MAPK10: variants seen among roughly 807,000 people sequenced by gnomAD.
The protein encoded by MAPK10 is JNK3 alpha protein kinase.
In MAPK10, 25 loss-of-function variants were observed where a neutral mutation model predicts 59.3. That is an observed-to-expected ratio of 0.42 (90% CI 0.31 to 0.59). The LOEUF (loss-of-function observed/expected upper bound fraction) is 0.59. Among genes scored for constraint, MAPK10 ranks in the 20% least tolerant of loss-of-function variants. The probability of loss-of-function intolerance (pLI) is 0.15; values close to 1 mark genes in which losing one functional copy is unlikely to be tolerated. For missense variants in MAPK10, 351 were observed against 568.9 expected, an observed-to-expected ratio of 0.62 and a Z score of 3.90; for synonymous variants, 190 against 200.5, an observed-to-expected ratio of 0.95 and a Z score of 0.44.
chr4:86,460,122 C>T (rs1751600555), intron 1 of MAPK10, among the ~76,000 whole-genome samples: 1 of 152,120 alleles, frequency 6.6e-6, no homozygotes, highest in African/African-American at 2.4e-5. Flanking sequence ...AAAGAGTCTT[C>T]TATGGGTTTC....
intron 4 of MAPK10, among the ~76,000 whole-genome samples, chr4:86,133,792 C>T (rs1158175581): frequency 6.6e-6 from 1 of 152,128 alleles, no homozygotes; most frequent in Admixed American, 6.5e-5. Flanking sequence ...GAGGAGATAA[C>T]CCATTCCAAA....
At chr4:86,267,246 T>C in intron 2 of MAPK10, among the ~76,000 whole-genome samples, 1 of 152,178 alleles carries the variant, frequency 6.6e-6, no homozygotes, top group African/African-American at 2.4e-5. Context: ...AAAATTGCCT[T>C]CCTTCAGGTT....
chr4:86,375,890 A>G (rs1018949300), intron 1 of MAPK10, among the ~76,000 whole-genome samples: 4 of 152,144 alleles, frequency 2.6e-5, no homozygotes, highest in Admixed American at 6.6e-5. Flanking sequence ...TTGTTATTCT[A>G]ATGAAGTGGA....
chr4:86,060,462 T>C (rs1647297098), intron 11 of MAPK10, among the ~76,000 whole-genome samples: 1 of 152,162 alleles, frequency 6.6e-6, no homozygotes, highest in Non-Finnish European at 1.5e-5. Context: ...TGAGAAATAG[T>C]TAATCAACTC....
chr4:86,216,155 G>T (rs1238037386), intron 2 of MAPK10, among the ~76,000 whole-genome samples: 1 of 151,666 alleles, frequency 6.6e-6, no homozygotes, highest in Non-Finnish European at 1.5e-5. Flanking sequence ...GTCTCAAAAA[G>T]ATATTTGTAC....
At chr4:86,319,156 T>A (rs557277614) in intron 2 of MAPK10, among the ~76,000 whole-genome samples, 1 of 152,168 alleles carries the variant, frequency 6.6e-6, no homozygotes, top group African/African-American at 2.4e-5. Context: ...ATGGAAAATC[T>A]ATTGATAAAG....
At chr4:86,455,416 T>C (rs1414027092), upstream of MAPK10, among the ~76,000 whole-genome samples, 2 of 151,978 alleles carry the variant, frequency 1.3e-5, no homozygotes, top group Non-Finnish European at 2.9e-5. Flanking sequence ...GAGACACACC[T>C]AACACATAAG....
rs529617229 is a variant in MAPK10 at position 86,058,341 on chromosome 4, T to A, written c.1110+5925A>T. Among the ~76,000 whole-genome samples, 41 of 149,530 alleles carry A rather than the reference T, an allele frequency of 2.7e-4. 1 individual carries two copies. Among genetic ancestry groups the A allele is most frequent in the African/African-American group, 9.8e-4 (39 of 39,866 alleles). The stretch of plus-strand genomic sequence containing the variant: ...TGGACACATTTGCCCACAGATGCTG[T>A]CCTCCCCCTTTCTTTAGTTGCTCTT... On this transcript the variant is annotated intron_variant, in intron 11 of 13. Coordinates refer to ENST00000641462, the MANE Select transcript of MAPK10 (RefSeq NM_138982.4).
At chr4:86,158,598 TATACTA>T (rs2068559901) in intron 4 of MAPK10, among the ~76,000 whole-genome samples, 1 of 151,908 alleles carries the variant, frequency 6.6e-6, no homozygotes, top group African/African-American at 2.4e-5. Flanking sequence ...TAAAAATGAT[TATACTA>T]ATAAGTTTAT....
intron 4 of MAPK10, among the ~76,000 whole-genome samples, chr4:86,127,227 C>T (rs1330901578): frequency 6.9e-6 from 1 of 145,522 alleles, no homozygotes; most frequent in African/African-American, 2.5e-5. Context: ...AAAAAGCATC[C>T]TACTACTTGA....
Position 86,521,263 on chromosome 4 carries a change from C to G in MAPK10, c.-263+72647G>C, listed in dbSNP as rs376238016. Among the ~76,000 whole-genome samples the G allele has an allele frequency of 6.6e-5, 10 of 152,114 alleles. No homozygotes were observed. In the East Asian group the frequency reaches 7.7e-4, roughly 12 times the overall value. ...CAGCCAGGAGATGGTGCTTTCAAGA[C>G]AGCATCTAGTAGAAGGGGGATATAA... On this transcript the variant is annotated intron_variant, in intron 1 of 4. Coordinates refer to the MAPK10 transcript ENST00000502302.
At chr4:86,177,973 C>T (rs1217995786) in intron 3 of MAPK10, among the ~76,000 whole-genome samples, 1 of 151,908 alleles carries the variant, frequency 6.6e-6, no homozygotes, top group Non-Finnish European at 1.5e-5. Context: ...CAAAAAAAGG[C>T]AACATGTTTA....
chr4:86,029,108 C>T (rs1379359551), intron 13 of MAPK10, 89 bp downstream of exon 13: 10 of 829,802 alleles, frequency 1.2e-5, no homozygotes, highest in Non-Finnish European at 2.1e-5. Flanking sequence ...GCTCTTTAAG[C>T]AATGTTATGT....
intron 4 of MAPK10, among the ~76,000 whole-genome samples, chr4:86,151,364 G>A (rs1232549485): frequency 6.6e-6 from 1 of 152,120 alleles, no homozygotes; most frequent in Non-Finnish European, 1.5e-5. Context: ...AAATGGCTAG[G>A]GAGCTGACGA....
chr4:86,068,012 T>A, intron 9 of MAPK10, 57 bp from the exon 10 acceptor site: 1 of 1,180,930 alleles, frequency 8.5e-7, no homozygotes, highest in Non-Finnish European at 1.2e-6. Context: ...CTTTCAACAA[T>A]TGGGAGACTA....
In MAPK10 at chr4:86,107,176, A is replaced by G. The variant is rs138273037; in HGVS notation, c.366+47T>C. On this transcript the variant is annotated intron_variant, in intron 5 of 13. Transcript: ENST00000641462. ...AGTACAGACACATTTTCTTTTTCCA[A>G]TCTTACAAACTCCCACTGCCAGAAG... The G allele has an allele frequency of 5.8e-3, 8,784 of 1,508,180 alleles. 40 individuals carry two copies. Among genetic ancestry groups the G allele is most frequent in the Middle Eastern group, 0.014 (78 of 5,692 alleles). 93.4% of individuals were successfully genotyped at this position (1,508,180 alleles called of 1,614,324 possible).
chr4:86,443,633 A>G (rs111355951), intron 1 of MAPK10, among the ~76,000 whole-genome samples: 1,616 of 152,198 alleles, frequency 0.011, 44 homozygotes, highest in African/African-American at 0.036. Flanking sequence ...ACACACACGC[A>G]CAAAACGCAT....
intron 4 of MAPK10, among the ~76,000 whole-genome samples, chr4:86,108,849 C>T (rs530263538): frequency 2.0e-5 from 3 of 152,260 alleles, no homozygotes; most frequent in South Asian, 2.1e-4. Context: ...GCACACAATG[C>T]GTGGCCTAGA....
chr4:86,345,273 G>C (rs114360681), intron 2 of MAPK10, among the ~76,000 whole-genome samples: 8,594 of 152,154 alleles, frequency 0.056, 336 homozygotes, highest in Non-Finnish European at 0.084. Context: ...GGATGAGACC[G>C]CTTAGGTATC....
Sources: allele counts gnomAD v4.1 joint callset (sites outside exome capture counted in the v4.1 genomes callset), GRCh38; gene constraint gnomAD v4.1.1; transcripts MANE v1.5; gene names NCBI Gene and HGNC (gene_info 2026-07-23, HGNC 2026-07-21).